RBFOX1: variants seen among roughly 807,000 people sequenced by gnomAD.
RBFOX1 encodes RNA binding protein fox-1 homolog 1.
In RBFOX1, 8 loss-of-function variants were observed where a neutral mutation model predicts 57.7. That is an observed-to-expected ratio of 0.14 (90% confidence interval 0.08 to 0.25). RBFOX1 has a LOEUF of 0.25. Ranked by LOEUF, RBFOX1 falls within the 10% of genes least tolerant of loss-of-function variation. The pLI is 1.00. For missense variants in RBFOX1, 611 were observed against 548.5 expected (o/e 1.11, Z -1.14); for synonymous variants, 326 against 222.4 (o/e 1.47, Z -4.15).
chr16:6,349,657 A>G (rs1444437715), intron 2 of RBFOX1, among the ~76,000 whole-genome samples: 1 of 152,196 alleles, frequency 6.6e-6, no homozygotes, highest in Non-Finnish European at 1.5e-5. Flanking sequence ...ACACATCTTC[A>G]TCTCTAGAGA....
Position 7,125,808 on chromosome 16 carries a change from C to T in RBFOX1, c.27+73710C>T, listed in dbSNP as rs1046161988. On this transcript the variant is annotated intron_variant, in intron 4 of 15. Coordinates refer to ENST00000550418, the MANE Select transcript of RBFOX1 (RefSeq NM_018723.4). ...GGTTTAATTTACATGAATAGCCAGG[C>T]GAAGTGCCTCACACCTGTAATCCCA... 2.2e-4 allele frequency among the ~76,000 whole-genome samples: 34 copies of T among 152,210 alleles called. No individual in the cohort carries two copies. In the East Asian group the frequency reaches 5.6e-3, roughly 25 times the overall value.
At chr16:7,276,058 A>G (rs892158468) in intron 4 of RBFOX1, among the ~76,000 whole-genome samples, 5 of 152,254 alleles carry the variant, frequency 3.3e-5, no homozygotes, top group Non-Finnish European at 7.3e-5. Context: ...TGAAAAGGCA[A>G]TAAAGAAACT....
chr16:5,904,361 C>A (rs1032141616), intron 4 of RBFOX1, among the ~76,000 whole-genome samples: 1 of 152,132 alleles, frequency 6.6e-6, no homozygotes, highest in African/African-American at 2.4e-5. Flanking sequence ...GCAGAGGCTG[C>A]TCCATCACTT....
chr16:6,280,774 G>A (rs1236816402), intron 1 of RBFOX1, among the ~76,000 whole-genome samples: 1 of 152,016 alleles, frequency 6.6e-6, no homozygotes, highest in African/African-American at 2.4e-5. Context: ...CATCTGAAGG[G>A]CTCACAGCTA....
chr16:6,465,692 G>C (rs2095032811), intron 2 of RBFOX1, among the ~76,000 whole-genome samples: 1 of 148,640 alleles, frequency 6.7e-6, no homozygotes, highest in South Asian at 2.1e-4. Context: ...ATTTGTTTCT[G>C]TATTGCCTGT....
intron 3 of RBFOX1, among the ~76,000 whole-genome samples, chr16:6,897,300 G>A (rs904106532): frequency 3.3e-5 from 5 of 152,194 alleles, no homozygotes; most frequent in African/African-American, 1.2e-4. Context: ...CTACTCAGGA[G>A]GCTGAGGAGG....
intron 3 of RBFOX1, among the ~76,000 whole-genome samples, chr16:5,770,449 C>T (rs1159814014): frequency 1.3e-5 from 2 of 152,046 alleles, no homozygotes; most frequent in South Asian, 2.1e-4. Flanking sequence ...CAGGAAGCTC[C>T]CCACCCCTTT....
chr16:6,145,985 A>C (rs2096755120), intron 1 of RBFOX1, among the ~76,000 whole-genome samples: 1 of 152,142 alleles, frequency 6.6e-6, no homozygotes, highest in Non-Finnish European at 1.5e-5. Flanking sequence ...GACCAAAGGC[A>C]TTTATTTGCA....
intron 1 of RBFOX1, among the ~76,000 whole-genome samples, chr16:6,152,608 A>C (rs2096805431): frequency 6.6e-6 from 1 of 152,224 alleles, no homozygotes; most frequent in Admixed American, 6.5e-5. Context: ...TCATGAATCT[A>C]ATTACACTAG....
In RBFOX1 at chr16:6,432,768, G is replaced by A. The variant is rs902636226; in HGVS notation, c.-64+115711G>A. Among the ~76,000 whole-genome samples the A allele has an allele frequency of 9.2e-5, 14 of 151,940 alleles. No individual in the cohort carries two copies. The South Asian group carries it at 1.7e-3, about 18-fold the overall frequency. Reference sequence around the variant, plus strand: ...GCAAAGGTGGGCAGGTCACGAGGTCGGGAGTTCGAGACCAGTCTGACTGAT... The same window carrying A: ...GCAAAGGTGGGCAGGTCACGAGGTCAGGAGTTCGAGACCAGTCTGACTGAT... On this transcript the variant is annotated intron_variant, in intron 2 of 15. Transcript: ENST00000550418.
At chr16:6,049,898 T>C (rs927750402) in intron 1 of RBFOX1, among the ~76,000 whole-genome samples, 2 of 151,746 alleles carry the variant, frequency 1.3e-5, no homozygotes, top group Non-Finnish European at 2.9e-5. Context: ...CAGTACACTG[T>C]GATTGATTGA....
intron 3 of RBFOX1, among the ~76,000 whole-genome samples, chr16:6,751,135 C>T (rs1345421587): frequency 1.3e-5 from 2 of 152,050 alleles, no homozygotes; most frequent in African/African-American, 4.8e-5. Context: ...AAGGCCAGGT[C>T]CTGTGTGGCC....
At chr16:5,516,294 C>G (rs1194849145) in intron 2 of RBFOX1, among the ~76,000 whole-genome samples, 3 of 152,116 alleles carry the variant, frequency 2.0e-5, no homozygotes, top group African/African-American at 7.2e-5. Context: ...CTTCCTGTCT[C>G]CCATCACTTC....
At chr16:7,415,408 A>G (rs1196057434) in intron 4 of RBFOX1, among the ~76,000 whole-genome samples, 1 of 152,206 alleles carries the variant, frequency 6.6e-6, no homozygotes, top group African/African-American at 2.4e-5. Flanking sequence ...GTTTGTGGTC[A>G]TGATGAACTT....
At chr16:5,638,388 C>A (rs564625646) in intron 3 of RBFOX1, among the ~76,000 whole-genome samples, 6 of 152,108 alleles carry the variant, frequency 3.9e-5, no homozygotes, top group Non-Finnish European at 8.8e-5. Flanking sequence ...TTCCAGGACA[C>A]ACAGCCCTAG....
chr16:5,699,274 T>A (rs1275679957), intron 3 of RBFOX1, among the ~76,000 whole-genome samples: 1 of 152,166 alleles, frequency 6.6e-6, no homozygotes, highest in Non-Finnish European at 1.5e-5. Flanking sequence ...TATGCAGTTA[T>A]ATCACCTCAG....
intron 3 of RBFOX1, among the ~76,000 whole-genome samples, chr16:5,818,352 T>C (rs1472653262): frequency 6.6e-6 from 1 of 152,188 alleles, no homozygotes; most frequent in Non-Finnish European, 1.5e-5. Flanking sequence ...TTGTATATCA[T>C]GGGGTTCTCG....
chr16:5,874,054 A>T (rs1395154445), intron 4 of RBFOX1, among the ~76,000 whole-genome samples: 1 of 152,236 alleles, frequency 6.6e-6, no homozygotes, highest in Non-Finnish European at 1.5e-5. Flanking sequence ...AAAGAGTAAG[A>T]TGGTTACAAG....
chr16:6,867,365 C>G (rs978804783), intron 3 of RBFOX1, among the ~76,000 whole-genome samples: 1 of 151,550 alleles, frequency 6.6e-6, no homozygotes, highest in African/African-American at 2.4e-5. Flanking sequence ...GGTAGTGATT[C>G]TTTTTAATGA....
Sources: gnomAD v4.1 joint callset for allele counts (sites outside exome capture counted in the v4.1 genomes callset) on GRCh38, gnomAD v4.1.1 for gene constraint, MANE v1.5 for transcripts, NCBI Gene and HGNC (gene_info 2026-07-23, HGNC 2026-07-21) for gene names.